The following OTOF variants were observed in gnomAD, a reference collection of about 807,000 sequenced individuals.
OTOF encodes fer-1-like family member 2.
Under a neutral mutation model 236.8 loss-of-function variants are expected in OTOF, and 218 were observed. The ratio of observed to expected loss-of-function variants is 0.92; its 90% confidence interval spans 0.82 to 1.03. OTOF has a LOEUF of 1.03. Ranked by LOEUF, OTOF falls within the 50% of genes least tolerant of loss-of-function variation. The pLI is 0.00. For missense variants in OTOF, 2,590 were observed against 2,694.4 expected, an observed-to-expected ratio of 0.96 and a Z score of 0.86; for synonymous variants, 1,041 against 1,072.5, an observed-to-expected ratio of 0.97 and a Z score of 0.57.
At chr2:26,495,961 CT>C (rs751163374) in intron 8 of OTOF, among the ~76,000 whole-genome samples, 5 of 152,356 alleles carry the variant, frequency 3.3e-5, no homozygotes, top group Admixed American at 3.3e-4. Context: ...GCTCCCCCCC[CT>C]TTCCACATTG....
At chr2:26,530,066 C>T (rs774045714) in intron 2 of OTOF, among the ~76,000 whole-genome samples, 6 of 150,100 alleles carry the variant, frequency 4.0e-5, no homozygotes, top group Admixed American at 1.3e-4. Flanking sequence ...GTGTGGGAGT[C>T]GGGGGGCCGC....
chr2:26,484,461 A>G lies in OTOF; in HGVS notation c.1205+13T>C. 6.2e-7 allele frequency: 1 copy of G among 1,613,800 alleles called. No individual in the cohort carries two copies. On this transcript the variant is annotated intron_variant, in intron 12 of 46. Coordinates refer to ENST00000272371, the MANE Select transcript of OTOF (RefSeq NM_194248.3). ...TGGCTCAGACTCCAGGGGCTGGGGT[A>G]GCTGGGCCTCACCCCTCAATGTCAT...
At chr2:26,504,571 A>G (rs1415647031) in intron 5 of OTOF, among the ~76,000 whole-genome samples, 1 of 151,614 alleles carries the variant, frequency 6.6e-6, no homozygotes, top group East Asian at 2.0e-4. Flanking sequence ...CCAGGAACTT[A>G]TGGCAGGCTC....
At chr2:26,540,494 G>A (rs1667186564) in intron 1 of OTOF, among the ~76,000 whole-genome samples, 2 of 152,160 alleles carry the variant, frequency 1.3e-5, no homozygotes, top group Admixed American at 6.5e-5. Context: ...CAAGGAAGGG[G>A]GCTCAGCAAA....
intron 5 of OTOF, among the ~76,000 whole-genome samples, chr2:26,514,491 T>C (rs1462528156): frequency 1.3e-5 from 2 of 152,208 alleles, no homozygotes; most frequent in Non-Finnish European, 2.9e-5. Flanking sequence ...TGGCCCACTC[T>C]CTTAGGACTG....
chr2:26,491,664 G>A (rs574724901), intron 9 of OTOF, among the ~76,000 whole-genome samples: 1 of 152,194 alleles, frequency 6.6e-6, no homozygotes, highest in Non-Finnish European at 1.5e-5. Context: ...AAGATGCCCA[G>A]GGCGGGGCCA....
At chr2:26,553,780 T>C (rs951844066) in intron 1 of OTOF, among the ~76,000 whole-genome samples, 1 of 152,206 alleles carries the variant, frequency 6.6e-6, no homozygotes, top group Non-Finnish European at 1.5e-5. Context: ...CTTTCCCGTC[T>C]GCCCTTTCTC....
At chr2:26,528,406 C>A (rs1666862316) in intron 2 of OTOF, among the ~76,000 whole-genome samples, 1 of 152,220 alleles carries the variant, frequency 6.6e-6, no homozygotes, top group South Asian at 2.1e-4. Context: ...CTGGCACAGG[C>A]TCTGCCCCAG....
At chr2:26,511,016 T>A (rs572918516) in intron 5 of OTOF, among the ~76,000 whole-genome samples, 1 of 152,240 alleles carries the variant, frequency 6.6e-6, no homozygotes, top group Non-Finnish European at 1.5e-5. Context: ...CAAGCTCTGA[T>A]ACCTCAGGGC....
intron 1 of OTOF, among the ~76,000 whole-genome samples, chr2:26,550,199 C>G (rs1231875720): frequency 6.6e-6 from 1 of 151,994 alleles, no homozygotes; most frequent in Non-Finnish European, 1.5e-5. Context: ...GAAACGAGGA[C>G]TGTTGAGGCA....
At chr2:26,515,756 C>T (rs188281628) in intron 5 of OTOF, among the ~76,000 whole-genome samples, 4 of 152,300 alleles carry the variant, frequency 2.6e-5, no homozygotes, top group Admixed American at 2.6e-4. Flanking sequence ...TCTTACTAGA[C>T]TAGCCCAGAT....
intron 11 of OTOF, 95 bp from the exon 12 acceptor site, chr2:26,484,728 T>C: frequency 7.7e-7 from 1 of 1,303,160 alleles, no homozygotes; most frequent in African/African-American, 1.5e-5. Context: ...AACCAAATGC[T>C]GTCTTGGTCC....
Position 26,457,800 on chromosome 2 carries a change from G to T in OTOF, c.*438C>A, listed in dbSNP as rs1024380288. The stretch of plus-strand genomic sequence containing the variant: ...GTGGGGCAAGAGAGACCCATTCCAG[G>T]TCCCCACCCCATCCAAGGCTCCCCA... On this transcript the variant is annotated 3_prime_UTR_variant, in exon 47 of 47. Coordinates refer to ENST00000272371, the MANE Select transcript of OTOF (RefSeq NM_194248.3). This position sits in a 1 kb window ranked among gnomAD's most constrained non-coding sequence, Gnocchi z 4.4. The T allele has an allele frequency of 1.9e-5, 10 of 536,422 alleles. No individual in the cohort carries two copies. The Admixed American group carries it at 3.2e-4, about 17-fold the overall frequency. 33.2% of individuals were successfully genotyped at this position (536,422 alleles called of 1,614,324 possible).
chr2:26,474,438 T>G, intron 26 of OTOF, 75 bp downstream of exon 26: 1 of 497,620 alleles, frequency 2.0e-6, no homozygotes, highest in Non-Finnish European at 3.0e-6. Flanking sequence ...GCCTTCAGGG[T>G]CCAGCCCCCA....
chr2:26,497,089 CTTTTTTTTTTTTTTTTTTT>C (rs201349303), intron 8 of OTOF, among the ~76,000 whole-genome samples: 2 of 97,758 alleles, frequency 2.0e-5, no homozygotes, highest in South Asian at 4.2e-4. Context: ...GTACATTCTT[CTTTTTTTTTTTTTTTTTTT>C]TTTTTTTTTT....
intron 13 of OTOF, among the ~76,000 whole-genome samples, chr2:26,482,885 A>G (rs1467752221): frequency 9.1e-6 from 1 of 109,950 alleles, no homozygotes; most frequent in African/African-American, 3.6e-5. Context: ...GAGTGGTTGC[A>G]TGTGTGCGTG....
chr2:26,497,955 A>G (rs1666029149), intron 8 of OTOF, among the ~76,000 whole-genome samples: 1 of 152,210 alleles, frequency 6.6e-6, no homozygotes, highest in Non-Finnish European at 1.5e-5. Context: ...AAACCCCATG[A>G]ATTTTTCCAC....
intron 1 of OTOF, among the ~76,000 whole-genome samples, chr2:26,546,904 G>T (rs527690466): frequency 6.0e-4 from 91 of 152,232 alleles, no homozygotes; most frequent in Non-Finnish European, 1.2e-3. Context: ...CTTTTTAATA[G>T]ATTCCTTAGG....
rs201235777 is a variant in OTOF, at chr2:26,477,554, T to C, written c.2316-48A>G. 11 of 1,593,934 alleles carry C rather than the reference T, an allele frequency of 6.9e-6. No homozygotes were observed. In the African/African-American group the frequency reaches 1.5e-4, roughly 21 times the overall value. The stretch of plus-strand genomic sequence containing the variant: ...TTTAGCGAGCCTGACCAGCAGGGGC[T>C]CTGTAGATTCTTCCTCATCTGCCCA... On this transcript the variant is annotated intron_variant, in intron 19 of 46. Coordinates refer to ENST00000272371, the MANE Select transcript of OTOF (RefSeq NM_194248.3). This position sits in a 1 kb window ranked among gnomAD's most constrained non-coding sequence, Gnocchi z 4.7.
Sources: gnomAD v4.1 joint callset for allele counts (sites outside exome capture counted in the v4.1 genomes callset) on GRCh38, gnomAD v4.1.1 for gene constraint, Gnocchi (gnomAD v3.1) non-coding constraint, MANE v1.5 for transcripts, NCBI Gene and HGNC (gene_info 2026-07-23, HGNC 2026-07-21) for gene names.